Variants in SLC46A2 observed in about 807,000 individuals in gnomAD.
The protein encoded by SLC46A2 is solute carrier family 46 member 2.
SLC46A2 carries 25 observed loss-of-function variants against 33.1 expected under a neutral mutation model. That is an observed-to-expected ratio of 0.76 (90% CI 0.55 to 1.06). The LOEUF (loss-of-function observed/expected upper bound fraction) is 1.06. Among genes scored for constraint, SLC46A2 ranks in the 50% least tolerant of loss-of-function variants. The pLI is 0.00. For missense variants in SLC46A2, 622 were observed against 621.7 expected (o/e 1.00, Z 0.00); for synonymous variants, 254 against 275.9 (o/e 0.92, Z 0.79).
chr9:112,887,208 T>TGTTTCAAAGTTGCTTCAA, intron 2 of SLC46A2, 122 bp downstream of exon 2: 1 of 825,728 alleles, frequency 1.2e-6, no homozygotes, highest in Non-Finnish European at 1.9e-6. Flanking sequence ...CCAGTGTTTC[T>TGTTTCAAAGTTGCTTCAA]AGTGTCTTCA....
Position 112,888,895 on chromosome 9 carries a change from GTTTT to G in SLC46A2, c.1129+654_1129+657del, listed in dbSNP as rs145272842. ...CACGTTTTTTTTTTTTTGTTTGTTT[GTTTT>G]TTTTTTTTTGAGACAGAGTCTTGCT... On this transcript the variant is annotated intron_variant, in intron 1 of 3. Transcript: ENST00000374228. 6.0e-3 allele frequency among the ~76,000 whole-genome samples: 857 copies of G among 143,570 alleles called. 5 individuals carry two copies. The highest frequency in any genetic ancestry group is 8.6e-3 in the Non-Finnish European group (572 of 66,204). The allele number at this position is 143,570 out of a possible 152,430, so 94.2% of individuals were successfully genotyped here.
At position 112,890,343 on chromosome 9, in the gene SLC46A2, C is replaced by T; in HGVS notation, c.339G>A (p.Leu113=). 1 of 1,613,974 alleles carries T rather than the reference C, an allele frequency of 6.2e-7. No individual in the cohort carries two copies. The highest frequency in any genetic ancestry group is 8.5e-7 in the Non-Finnish European group (1 of 1,180,006). The change falls in exon 1 of 4, where the codon CTG becomes CTA. Residue 113 remains leucine, a synonymous_variant. Coordinates refer to ENST00000374228, the MANE Select transcript of SLC46A2 (RefSeq NM_033051.4). This position sits in a 1 kb window ranked among gnomAD's most constrained non-coding sequence, Gnocchi z 6.0. ...YHRKISICMS[L]LGFLLSRLGL... ...CGAGGCGGGAGAGCAGGAAGCCCAG[C>T]AGCGACATGCAGATGGAGATCTTTC...
At chr9:112,889,443 G>A (rs914526902) in intron 1 of SLC46A2, 110 bp downstream of exon 1, 4 of 1,194,162 alleles carry the variant, frequency 3.3e-6, no homozygotes, top group Middle Eastern at 2.2e-4. Flanking sequence ...TAGGTAGCAG[G>A]TTCAATCCCT....
intron 3 of SLC46A2, among the ~76,000 whole-genome samples, chr9:112,883,784 A>G (rs113835404): frequency 0.013 from 1,859 of 146,246 alleles, 32 homozygotes; most frequent in African/African-American, 0.045. Flanking sequence ...TGCAACTACC[A>G]CCTCCTGGGT....
chr9:112,886,694 T>A (rs1841646813), intron 2 of SLC46A2, 78 bp from the exon 3 acceptor site: 15 of 1,480,430 alleles, frequency 1.0e-5, no homozygotes, highest in Non-Finnish European at 1.4e-5. Context: ...CTCTGGAGAG[T>A]TCTTAGGGGA....
In SLC46A2 at chr9:112,890,712, T is replaced by G; in HGVS notation, c.-31A>C. ...CTCTCTGATGGGGATCGAAGGGCTT[T>G]CTGGCTGCAGTGACAAGGATATGCT... is the stretch of plus-strand genomic sequence containing the variant. On this transcript the variant is annotated 5_prime_UTR_variant, in exon 1 of 4. Transcript: ENST00000374228. The surrounding 1 kb of genome is among the most constrained non-coding windows in gnomAD (Gnocchi z 6.0). 1 of 1,566,688 alleles carries G rather than the reference T, an allele frequency of 6.4e-7. No homozygotes were observed. Among genetic ancestry groups the G allele is most frequent in the Non-Finnish European group, 8.6e-7 (1 of 1,163,064 alleles).
Position 112,890,220 on chromosome 9 carries a change from G to C in SLC46A2, c.462C>G (p.Ser154=). ...CCAGCGATCCCAGCGCCATGACCCCGGACCAGAAGGCGGAGAAGCCGCCGA... is the reference window on the plus strand; with the variant it reads ...CCAGCGATCCCAGCGCCATGACCCCCGACCAGAAGGCGGAGAAGCCGCCGA... The part of the protein sequence containing the change: ...GLFGGFSAFW[S]GVMALGSLGS... Residue 154 remains serine, a synonymous_variant, in exon 1 of 4, where the codon TCC becomes TCG. Transcript: ENST00000374228. The surrounding 1 kb of genome is among the most constrained non-coding windows in gnomAD (Gnocchi z 6.0). 2 of 1,613,082 alleles carry C rather than the reference G, an allele frequency of 1.2e-6. No homozygotes were observed. The highest frequency in any genetic ancestry group is 1.7e-6 in the Non-Finnish European group (2 of 1,179,890).
chr9:112,879,871 A>AG (rs1841556682), intron 3 of SLC46A2, 52 bp from the exon 4 acceptor site: 41 of 1,522,106 alleles, frequency 2.7e-5, no homozygotes, highest in Non-Finnish European at 3.7e-5. Context: ...AATGGGGTAA[A>AG]GGTGAAACTG....
chr9:112,880,935 T>C (rs1241856283), intron 3 of SLC46A2, among the ~76,000 whole-genome samples: 1 of 152,186 alleles, frequency 6.6e-6, no homozygotes, highest in African/African-American at 2.4e-5. Flanking sequence ...ATGAGCCCTT[T>C]GCATCCACAT....
intron 3 of SLC46A2, among the ~76,000 whole-genome samples, chr9:112,880,908 C>T (rs1841568296): frequency 6.6e-6 from 1 of 152,104 alleles, no homozygotes; most frequent in African/African-American, 2.4e-5. Flanking sequence ...CTGAACTTCT[C>T]CATTTCCCAT....
rs769060419 is a variant in SLC46A2, at chr9:112,886,541, T to G, written c.1289A>C (p.Tyr430Ser). The change falls in exon 3 of 4, where the codon TAC (tyrosine) becomes TCC (serine). Residue 430 changes from tyrosine (Y) to serine (S), a missense_variant. Coordinates refer to ENST00000374228, the MANE Select transcript of SLC46A2 (RefSeq NM_033051.4). ...CACAAACATGTCCATGGTGAGCTGG[T>G]AGATCTTGTTGTACAAGGTGGATGT... ...VVTSTLYNKI[Y>S]QLTMDMFVGS... The G allele has an allele frequency of 2.5e-6, 4 of 1,614,090 alleles. No individual in the cohort carries two copies. The highest frequency in any genetic ancestry group is 3.4e-6 in the Non-Finnish European group (4 of 1,180,002).
chr9:112,886,674 T>C (rs970761552), intron 2 of SLC46A2, 58 bp from the exon 3 acceptor site: 1 of 1,588,570 alleles, frequency 6.3e-7, no homozygotes, highest in African/African-American at 1.3e-5. Flanking sequence ...TCACTCCCCA[T>C]TAGCTGAGTC....
At chr9:112,880,075 A>T (rs1473247611) in intron 3 of SLC46A2, 2 of 358,038 alleles carry the variant, frequency 5.6e-6, no homozygotes, top group Non-Finnish European at 1.0e-5. Flanking sequence ...TTATGCCTGT[A>T]ATCCCAACAG....
chr9:112,880,047 G>C (rs892098574), intron 3 of SLC46A2: 7 of 432,298 alleles, frequency 1.6e-5, no homozygotes, highest in Non-Finnish European at 2.9e-5. Context: ...AGAATCTCTG[G>C]GGGCCAGGCA....
intron 3 of SLC46A2, chr9:112,885,430 A>G (rs1005624860): frequency 5.2e-5 from 4 of 76,686 alleles, no homozygotes; most frequent in Non-Finnish European, 9.9e-5. Context: ...GTGTGTATAT[A>G]TATATATGTG....
At position 112,890,064 on chromosome 9, in the gene SLC46A2, C is replaced by G. The variant is rs371716500; in HGVS notation, c.618G>C (p.Leu206=). Residue 206 remains leucine (L), a synonymous_variant, in exon 1 of 4, where the codon CTG becomes CTC. Transcript: ENST00000374228. This position sits in a 1 kb window ranked among gnomAD's most constrained non-coding sequence, Gnocchi z 6.0. ...KQMAGHSGQG[L]ILTACSVSCA... is the part of the protein sequence containing the mutation. ...AGCTCACGCTGCAGGCCGTCAGTAT[C>G]AGGCCCTGCCCAGAGTGCCCAGCCA... The G allele has an allele frequency of 6.2e-7, 1 of 1,613,756 alleles. No individual in the cohort carries two copies.
In SLC46A2 at chr9:112,890,499, C is replaced by A; in HGVS notation, c.183G>T (p.Ser61=). 1 of 1,614,166 alleles carries A rather than the reference C, an allele frequency of 6.2e-7. No individual in the cohort carries two copies. Among genetic ancestry groups the A allele is most frequent in the Non-Finnish European group, 8.5e-7 (1 of 1,180,028 alleles). ...GGSSNHSASP[S]PRGALEDQQQ... ...GTTGGTCCTCTAGAGCCCCCCGGGG[C>A]GATGGGCTGGCACTGTGGTTGGAGG... Residue 61 remains serine, a synonymous_variant, in exon 1 of 4, where the codon TCG becomes TCT. Transcript: ENST00000374228. The surrounding 1 kb of genome is among the most constrained non-coding windows in gnomAD (Gnocchi z 6.0).
intron 3 of SLC46A2, 121 bp from the exon 4 acceptor site, chr9:112,879,940 T>C (rs1841557668): frequency 4.7e-6 from 4 of 845,304 alleles, no homozygotes; most frequent in African/African-American, 3.3e-5. Flanking sequence ...TAGGTAGGCA[T>C]TGACCAAGGT....
chr9:112,879,628 C>G lies in SLC46A2; in HGVS notation c.*134G>C. The G allele has an allele frequency of 1.3e-6, 1 of 763,966 alleles. No individual in the cohort carries two copies. Among genetic ancestry groups the G allele is most frequent in the South Asian group, 1.9e-5 (1 of 53,242 alleles). 47.3% of individuals were successfully genotyped at this position (763,966 alleles called of 1,614,324 possible). A position where few individuals can be genotyped will look rare whatever the true frequency, so the allele number is the denominator to read the frequency against. Reference sequence around the variant, plus strand: ...GATCCCTGAGCCAGAGCAGGTCATTCTGAGGCCAACTCTGGCTGGAACGCA... The same window carrying G: ...GATCCCTGAGCCAGAGCAGGTCATTGTGAGGCCAACTCTGGCTGGAACGCA... On this transcript the variant is annotated 3_prime_UTR_variant, in exon 4 of 4. Coordinates refer to ENST00000374228, the MANE Select transcript of SLC46A2 (RefSeq NM_033051.4).
Sources: allele counts gnomAD v4.1 joint callset (sites outside exome capture counted in the v4.1 genomes callset), GRCh38; gene constraint gnomAD v4.1.1; non-coding constraint Gnocchi (gnomAD v3.1); transcripts MANE v1.5; gene names NCBI Gene and HGNC (gene_info 2026-07-23, HGNC 2026-07-21).